Variants in SPG11 observed in about 807,000 individuals in gnomAD.
The protein encoded by SPG11 is SPG11 vesicle trafficking associated, spatacsin.
In SPG11, 222 loss-of-function variants were observed where a neutral mutation model predicts 274.0. That is an observed-to-expected ratio of 0.81 (90% CI 0.73 to 0.91). The LOEUF (loss-of-function observed/expected upper bound fraction) is 0.91, where lower values mean the gene tolerates loss of function less well. Ranked by LOEUF, SPG11 falls within the 40% of genes least tolerant of loss-of-function variation. The pLI, the probability that SPG11 is intolerant of heterozygous loss-of-function variation, is 0.00. For synonymous variants in SPG11, 1,144 were observed against 1,039.7 expected, an observed-to-expected ratio of 1.10 and a Z score of -1.93; for missense variants, 3,114 against 2,872.7, an observed-to-expected ratio of 1.08 and a Z score of -1.92.
At chr15:44,662,363 T>C (rs1247672045) in intron 1 of SPG11, among the ~76,000 whole-genome samples, 1 of 152,084 alleles carries the variant, frequency 6.6e-6, no homozygotes, top group Admixed American at 6.6e-5. Context: ...TGAAAATACT[T>C]ACTATTAATA....
At chr15:44,613,296 T>C (rs771811409) in intron 17 of SPG11, 134 bp downstream of exon 17, 5 of 691,096 alleles carry the variant, frequency 7.2e-6, no homozygotes, top group Non-Finnish European at 1.3e-5. Flanking sequence ...ACCTCAAGTG[T>C]GAGCCTAGAT....
intron 20 of SPG11, among the ~76,000 whole-genome samples, chr15:44,603,823 G>A (rs1174006002): frequency 1.3e-5 from 2 of 152,164 alleles, no homozygotes; most frequent in Non-Finnish European, 1.5e-5. Flanking sequence ...ATGCCATGTA[G>A]ATAGTTGTTA....
Position 44,600,570 on chromosome 15 carries a change from C to G in SPG11, c.3583G>C (p.Glu1195Gln). 6.2e-7 allele frequency: 1 copy of G among 1,614,132 alleles called. No homozygotes were observed. The highest frequency in any genetic ancestry group is 1.1e-5 in the South Asian group (1 of 91,074). ...AAATAATAAGCAAAATTCAGACGTTCCACTATAGCATATTTATTAACCAGG... is the reference window on the plus strand; with the variant it reads ...AAATAATAAGCAAAATTCAGACGTTGCACTATAGCATATTTATTAACCAGG... ...PDLVNKYAIV[E>Q]RLNFAYYLHN... The change falls in exon 21 of 40, where the codon GAA becomes CAA. Residue 1195 changes from glutamate to glutamine, a missense_variant. Glu to Gln is a conservative substitution (Grantham distance 29). Coordinates refer to ENST00000261866, the MANE Select transcript of SPG11 (RefSeq NM_025137.4).
intron 8 of SPG11, among the ~76,000 whole-genome samples, chr15:44,630,731 C>CA (rs1301777433): frequency 6.6e-6 from 1 of 152,080 alleles, no homozygotes; most frequent in African/African-American, 2.4e-5. Context: ...AGACATGCAC[C>CA]ACCACACATG....
At chr15:44,645,294 G>A (rs1024967116) in intron 7 of SPG11, among the ~76,000 whole-genome samples, 4 of 152,152 alleles carry the variant, frequency 2.6e-5, no homozygotes, top group African/African-American at 9.7e-5. Context: ...GAACAGAACA[G>A]AGAGCCCAGA....
chr15:44,614,492 G>A (rs1169346810), intron 16 of SPG11, among the ~76,000 whole-genome samples: 1 of 152,140 alleles, frequency 6.6e-6, no homozygotes, highest in Non-Finnish European at 1.5e-5. Context: ...CCAAAGTGCT[G>A]GGATTAGAGA....
intron 33 of SPG11, 53 bp from the exon 34 acceptor site, chr15:44,570,711 T>C (rs2082405779): frequency 1.0e-5 from 16 of 1,596,210 alleles, no homozygotes; most frequent in Non-Finnish European, 1.3e-5. Flanking sequence ...CTGCCCACTG[T>C]CAACCTCTGC....
At position 44,615,550 on chromosome 15, in the gene SPG11, C is replaced by T. The variant is rs1431880035; in HGVS notation, c.2851G>A (p.Ala951Thr). The T allele has an allele frequency of 1.2e-6, 2 of 1,613,690 alleles. No individual in the cohort carries two copies. Among genetic ancestry groups the T allele is most frequent in the Admixed American group, 3.3e-5 (2 of 59,982 alleles). The change falls in exon 16 of 40, where the codon GCA becomes ACA. Residue 951 changes from alanine (A) to threonine (T), a missense_variant. Physicochemically the swap from Ala to Thr is moderately conservative, Grantham distance 58. Transcript: ENST00000261866. Reference protein sequence around the residue: ...DKLARNGVFLASELEDFECFL... With the variant: ...DKLARNGVFLTSELEDFECFL... ...CATTCAAAGTCTTCCAGTTCAGATG[C>T]CAAAAAAACCCCATTCCTATGGACA...
chr15:44,583,369 A>T (rs1404543572), intron 30 of SPG11, among the ~76,000 whole-genome samples: 1 of 152,158 alleles, frequency 6.6e-6, no homozygotes, highest in African/African-American at 2.4e-5. Context: ...AAGGCAGGAG[A>T]ATCACTTGAA....
chr15:44,569,374 T>C, intron 35 of SPG11, 24 bp downstream of exon 35: 1 of 1,503,588 alleles, frequency 6.7e-7, no homozygotes, highest in Non-Finnish European at 9.2e-7. Context: ...CACCCCATCC[T>C]GGAGCTCATT....
chr15:44,588,622 A>T (rs1490784343), intron 28 of SPG11: 1 of 429,880 alleles, frequency 2.3e-6, no homozygotes, highest in Non-Finnish European at 4.7e-6. Context: ...GGCTGAAGGC[A>T]GCCTAATCCT....
chr15:44,658,853 T>TA (rs1385351785), intron 3 of SPG11, among the ~76,000 whole-genome samples: 1 of 152,246 alleles, frequency 6.6e-6, no homozygotes, highest in African/African-American at 2.4e-5. Context: ...TATGTATGGT[T>TA]AATACTATTA....
intron 25 of SPG11, 55 bp from the exon 26 acceptor site, chr15:44,595,514 A>C: frequency 6.5e-7 from 1 of 1,534,144 alleles, no homozygotes; most frequent in Non-Finnish European, 9.0e-7. Context: ...GCAAATGTAC[A>C]AATACTACAG....
At chr15:44,568,826 TAGAGGCAGG>T (rs2082358707) in intron 35 of SPG11, among the ~76,000 whole-genome samples, 1 of 152,100 alleles carries the variant, frequency 6.6e-6, no homozygotes, top group African/African-American at 2.4e-5. Context: ...TTTAAGACAG[TAGAGGCAGG>T]AGACAGAGGC....
intron 4 of SPG11, among the ~76,000 whole-genome samples, chr15:44,655,659 C>T (rs74913401): frequency 0.02 from 2,986 of 152,162 alleles, 111 homozygotes; most frequent in African/African-American, 0.068. Flanking sequence ...TGTTAACCAA[C>T]TGTTTATGTT....
rs576602291 is a variant in SPG11 at position 44,604,103 on chromosome 15, A to G, written c.3520+1922T>C. On this transcript the variant is annotated intron_variant, in intron 20 of 39. Coordinates refer to ENST00000261866, the MANE Select transcript of SPG11 (RefSeq NM_025137.4). ...AGAAACTAGTTCTGGAAAACAGTGT[A>G]CCTGCTCTTGTTTTCAAAGTTCAAA... is the stretch of plus-strand genomic sequence containing the variant. 140 of 429,472 alleles carry G rather than the reference A, an allele frequency of 3.3e-4. 1 individual carries two copies. Among genetic ancestry groups the G allele is most frequent in the African/African-American group, 2.8e-3 (133 of 48,186 alleles). The allele number at this position is 429,472 out of a possible 1,614,324, so 26.6% of individuals were successfully genotyped here.
chr15:44,618,676 C>T (rs1268896169), intron 15 of SPG11, among the ~76,000 whole-genome samples: 7 of 151,778 alleles, frequency 4.6e-5, no homozygotes, highest in African/African-American at 1.2e-4. Context: ...AGAAATCAGC[C>T]GGGCGTGGTG....
At chr15:44,599,301 T>G (rs936253602) in intron 21 of SPG11, among the ~76,000 whole-genome samples, 1 of 152,118 alleles carries the variant, frequency 6.6e-6, no homozygotes, top group African/African-American at 2.4e-5. Context: ...TTTTTTATTT[T>G]TATTATTATT....
chr15:44,576,435 T>A (rs1291609091), intron 30 of SPG11, among the ~76,000 whole-genome samples: 2 of 151,500 alleles, frequency 1.3e-5, no homozygotes, highest in Non-Finnish European at 2.9e-5. Flanking sequence ...GATCACAAGG[T>A]CAGGAGATCG....
Sources: gnomAD v4.1 joint callset for allele counts (sites outside exome capture counted in the v4.1 genomes callset) on GRCh38, gnomAD v4.1.1 for gene constraint, MANE v1.5 for transcripts, NCBI Gene and HGNC (gene_info 2026-07-23, HGNC 2026-07-21) for gene names.